The following TEAD1 variants were observed in gnomAD, a reference collection of about 807,000 sequenced individuals.
The protein encoded by TEAD1 is transcriptional enhancer factor TEF-1.
TEAD1 carries 9 observed loss-of-function variants against 54.9 expected under a neutral mutation model. The observed-to-expected ratio is 0.16, with a 90% CI of 0.10 to 0.29. The LOEUF is 0.29. Ranked by LOEUF, TEAD1 falls within the 10% of genes least tolerant of loss-of-function variation. TEAD1 has a pLI of 1.00. For missense variants in TEAD1, 387 were observed against 535.9 expected, an observed-to-expected ratio of 0.72 and a Z score of 2.74; for synonymous variants, 200 against 187.8, an observed-to-expected ratio of 1.07 and a Z score of -0.53.
At chr11:12,894,030 C>A (rs956482407) in intron 9 of TEAD1, among the ~76,000 whole-genome samples, 2 of 152,154 alleles carry the variant, frequency 1.3e-5, no homozygotes, top group African/African-American at 4.8e-5. Context: ...GACAGACATT[C>A]CAGGCAGGAC....
intron 2 of TEAD1, among the ~76,000 whole-genome samples, chr11:12,718,465 G>T (rs1944111263): frequency 6.6e-6 from 1 of 152,186 alleles, no homozygotes; most frequent in African/African-American, 2.4e-5. Context: ...TCCTCATTAT[G>T]TTCTTGCATT....
chr11:12,712,914 C>T (rs1290187151), intron 2 of TEAD1, among the ~76,000 whole-genome samples: 1 of 152,154 alleles, frequency 6.6e-6, no homozygotes, highest in East Asian at 1.9e-4. Flanking sequence ...AGTTTAGACC[C>T]AAGCTAAGTT....
In TEAD1 at chr11:12,782,271, G is replaced by A. The variant is rs570664279; in HGVS notation, c.202+17837G>A. ...TAGCTATACAATGGAATATTATTTG[G>A]CAATAAAAAGGAATGAAGTCTTAAT... On this transcript the variant is annotated intron_variant, in intron 3 of 12. Coordinates refer to ENST00000527636, the MANE Select transcript of TEAD1 (RefSeq NM_021961.6). 5.2e-4 allele frequency among the ~76,000 whole-genome samples: 79 copies of A among 152,244 alleles called. 1 individual carries two copies. The highest frequency in any genetic ancestry group is 1.9e-3 in the African/African-American group (78 of 41,518).
chr11:12,897,154 A>T (rs533736471), intron 9 of TEAD1, among the ~76,000 whole-genome samples: 1,618 of 152,168 alleles, frequency 0.011, 40 homozygotes, highest in African/African-American at 0.037. Flanking sequence ...GTTTTCTCTT[A>T]TGAGTATTTG....
At chr11:12,716,768 AAAAC>A (rs530413050) in intron 2 of TEAD1, among the ~76,000 whole-genome samples, 40 of 152,382 alleles carry the variant, frequency 2.6e-4, no homozygotes, top group Non-Finnish European at 5.0e-4. Context: ...AAGGAATGTA[AAAAC>A]CATTCTTCCT....
chr11:12,914,732 C>T (rs762190773), intron 10 of TEAD1, among the ~76,000 whole-genome samples: 20 of 152,264 alleles, frequency 1.3e-4, no homozygotes, highest in Non-Finnish European at 2.4e-4. Context: ...TCTAGGGGCA[C>T]TGTTGCCCCA....
chr11:12,704,611 G>C (rs1291223776), intron 2 of TEAD1, among the ~76,000 whole-genome samples: 1 of 152,204 alleles, frequency 6.6e-6, no homozygotes, highest in Admixed American at 6.5e-5. Flanking sequence ...CCTCCATACT[G>C]CTGCTCTGTG....
chr11:12,685,366 A>G (rs192997657), intron 2 of TEAD1, among the ~76,000 whole-genome samples: 1 of 152,328 alleles, frequency 6.6e-6, no homozygotes, highest in Admixed American at 6.5e-5. Flanking sequence ...CTGGGAGTCT[A>G]CTAAAATTAC....
At chr11:12,692,326 A>G (rs1233972146) in intron 2 of TEAD1, among the ~76,000 whole-genome samples, 1 of 152,056 alleles carries the variant, frequency 6.6e-6, no homozygotes, top group Non-Finnish European at 1.5e-5. Flanking sequence ...CTTCAGTAAT[A>G]CTTTTTTGTT....
intron 5 of TEAD1, among the ~76,000 whole-genome samples, chr11:12,865,694 C>A (rs888020960): frequency 7.2e-5 from 11 of 152,088 alleles, no homozygotes; most frequent in Non-Finnish European, 1.5e-4. Flanking sequence ...TTTTCATATA[C>A]AACTTCTTTC....
intron 3 of TEAD1, among the ~76,000 whole-genome samples, chr11:12,856,317 A>G (rs894939112): frequency 6.6e-6 from 1 of 152,122 alleles, no homozygotes; most frequent in African/African-American, 2.4e-5. Flanking sequence ...CTTGGTTGCA[A>G]TCATGACATG....
At chr11:12,911,159 C>T (rs1948611270) in intron 10 of TEAD1, among the ~76,000 whole-genome samples, 1 of 152,192 alleles carries the variant, frequency 6.6e-6, no homozygotes, top group Non-Finnish European at 1.5e-5. Flanking sequence ...AGCAAGTTAC[C>T]TGGAAAGAGG....
intron 3 of TEAD1, among the ~76,000 whole-genome samples, chr11:12,794,604 C>T (rs534285420): frequency 2.0e-5 from 3 of 152,160 alleles, no homozygotes; most frequent in East Asian, 1.9e-4. Context: ...GACATCATCT[C>T]CTAACGCAGT....
intron 2 of TEAD1, among the ~76,000 whole-genome samples, chr11:12,761,169 A>G (rs9888258): frequency 0.48 from 72,770 of 152,050 alleles, 19,146 homozygotes; most frequent in African/African-American, 0.7. Context: ...AGTTAATACT[A>G]CATTCCCCCA....
intron 9 of TEAD1, among the ~76,000 whole-genome samples, chr11:12,898,321 C>T (rs1420343239): frequency 6.6e-6 from 1 of 152,020 alleles, no homozygotes; most frequent in East Asian, 1.9e-4. Flanking sequence ...TTGCTTCTAC[C>T]TCAGGATCTA....
intron 1 of TEAD1, among the ~76,000 whole-genome samples, 151 bp from the exon 2 acceptor site, chr11:12,675,258 G>C (rs2133802093): frequency 6.6e-6 from 1 of 151,996 alleles, no homozygotes. Flanking sequence ...GCCCGGAGCC[G>C]GCCTGCACCC....
At chr11:12,899,621 T>G (rs1948386317) in intron 9 of TEAD1, among the ~76,000 whole-genome samples, 1 of 152,210 alleles carries the variant, frequency 6.6e-6, no homozygotes, top group Admixed American at 6.5e-5. Context: ...GCTTTTACTT[T>G]TAACCTTTTT....
chr11:12,922,020 C>T (rs111776996), intron 10 of TEAD1, among the ~76,000 whole-genome samples: 5 of 152,076 alleles, frequency 3.3e-5, no homozygotes, highest in South Asian at 4.2e-4. Flanking sequence ...AACATAAAAC[C>T]GGATAAGTAC....
chr11:12,787,745 C>T (rs950021844), intron 3 of TEAD1, among the ~76,000 whole-genome samples: 4 of 152,078 alleles, frequency 2.6e-5, no homozygotes, highest in Non-Finnish European at 4.4e-5. Context: ...ACTAAATATG[C>T]ATTTAATTTC....
Sources: gnomAD v4.1 joint callset for allele counts (sites outside exome capture counted in the v4.1 genomes callset) on GRCh38, gnomAD v4.1.1 for gene constraint, MANE v1.5 for transcripts, NCBI Gene and HGNC (gene_info 2026-07-23, HGNC 2026-07-21) for gene names.